The following FCHSD2 variants were observed in gnomAD, a reference collection of about 807,000 sequenced individuals.
The protein encoded by FCHSD2 is FCH and double SH3 domains 2.
In FCHSD2, 38 loss-of-function variants were observed where a neutral mutation model predicts 108.1. The observed-to-expected ratio is 0.35, with a 90% CI of 0.27 to 0.46. The LOEUF is 0.46. Ranked by LOEUF, FCHSD2 falls within the 20% of genes least tolerant of loss-of-function variation. FCHSD2 has a pLI of 1.00. For missense variants in FCHSD2, 751 were observed against 897.8 expected, an observed-to-expected ratio of 0.84 and a Z score of 2.09; for synonymous variants, 279 against 314.7, an observed-to-expected ratio of 0.89 and a Z score of 1.20.
intron 8 of FCHSD2, among the ~76,000 whole-genome samples, chr11:72,956,656 C>T (rs528161283): frequency 4.5e-4 from 69 of 152,250 alleles, no homozygotes; most frequent in African/African-American, 1.6e-3. Flanking sequence ...GGCAAGAGGT[C>T]TCTCTGGGAC....
chr11:72,846,343 G>A (rs1387306431), intron 14 of FCHSD2, among the ~76,000 whole-genome samples: 1 of 152,020 alleles, frequency 6.6e-6, no homozygotes, highest in African/African-American at 2.4e-5. Context: ...ACCATGCCTG[G>A]CTAATTTTTT....
chr11:73,040,045 G>A (rs1182204546), intron 3 of FCHSD2, among the ~76,000 whole-genome samples: 2 of 152,156 alleles, frequency 1.3e-5, no homozygotes. Flanking sequence ...TGAACACAAT[G>A]TTTCCTAAAT....
chr11:72,857,435 C>CTT (rs56061370), intron 13 of FCHSD2, among the ~76,000 whole-genome samples: 6 of 82,286 alleles, frequency 7.3e-5, no homozygotes, highest in East Asian at 3.3e-4. Context: ...ATGCTTACTC[C>CTT]TTTTTTTTTT....
chr11:73,103,833 G>A (rs1197377129), intron 2 of FCHSD2, among the ~76,000 whole-genome samples: 2 of 152,144 alleles, frequency 1.3e-5, no homozygotes, highest in Non-Finnish European at 1.5e-5. Context: ...TTAACTTGAT[G>A]TGGTATTCTT....
At chr11:73,035,203 TAC>T (rs1858461385) in intron 3 of FCHSD2, among the ~76,000 whole-genome samples, 1 of 46,500 alleles carries the variant, frequency 2.2e-5, no homozygotes, top group African/African-American at 7.3e-5. Context: ...TGTATGTATG[TAC>T]GTACTAAGAC....
chr11:72,957,048 T>C (rs1856726362), intron 8 of FCHSD2, among the ~76,000 whole-genome samples: 2 of 151,572 alleles, frequency 1.3e-5, no homozygotes, highest in African/African-American at 4.8e-5. Flanking sequence ...TTTTTTTTAT[T>C]ATACTTTAAG....
In FCHSD2 at chr11:73,082,103, C is replaced by T. The variant is rs184668340; in HGVS notation, c.165+1592G>A. Among the ~76,000 whole-genome samples, 112 of 151,538 alleles carry T rather than the reference C, an allele frequency of 7.4e-4. No individual in the cohort carries two copies. In the East Asian group the frequency reaches 0.019, roughly 25 times the overall value. On this transcript the variant is annotated intron_variant, in intron 3 of 19. Coordinates refer to ENST00000409418, the MANE Select transcript of FCHSD2 (RefSeq NM_014824.3). ...CTGTAATCCCAGCACTTTGGGAGGC[C>T]GAGGTAGGCGGATCACGTGGTCAAG... is the stretch of plus-strand genomic sequence containing the variant.
At chr11:73,093,058 GAGT>G (rs1390890748) in intron 2 of FCHSD2, among the ~76,000 whole-genome samples, 1 of 152,202 alleles carries the variant, frequency 6.6e-6, no homozygotes, top group Non-Finnish European at 1.5e-5. Context: ...CCAGCCGCAT[GAGT>G]AGTAATCATG....
At chr11:72,896,680 A>T (rs1855424033) in intron 10 of FCHSD2, among the ~76,000 whole-genome samples, 1 of 151,426 alleles carries the variant, frequency 6.6e-6, no homozygotes, top group Non-Finnish European at 1.5e-5. Context: ...TCATGACTGC[A>T]AAAGTATTGC....
At chr11:73,110,392 T>C (rs1472784756) in intron 2 of FCHSD2, among the ~76,000 whole-genome samples, 1 of 152,206 alleles carries the variant, frequency 6.6e-6, no homozygotes, top group East Asian at 1.9e-4. Flanking sequence ...GTTCAGGTTT[T>C]GGATTTCTTC....
At chr11:72,939,731 G>A (rs1249253135) in intron 8 of FCHSD2, among the ~76,000 whole-genome samples, 1 of 142,526 alleles carries the variant, frequency 7.0e-6, no homozygotes, top group African/African-American at 2.6e-5. Flanking sequence ...TGATTCTTAT[G>A]CCTCAGCCTC....
At chr11:73,116,229 T>G (rs1420578989) in intron 2 of FCHSD2, among the ~76,000 whole-genome samples, 3 of 152,212 alleles carry the variant, frequency 2.0e-5, no homozygotes, top group Non-Finnish European at 2.9e-5. Context: ...GTCCTTGAAG[T>G]TTTTATAAAA....
intron 10 of FCHSD2, among the ~76,000 whole-genome samples, chr11:72,891,475 T>C (rs1282974927): frequency 2.0e-5 from 3 of 152,314 alleles, no homozygotes; most frequent in Admixed American, 6.5e-5. Context: ...TAATTCATTT[T>C]TGGGGTTATC....
At chr11:73,140,950 T>A (rs1046587173) in intron 1 of FCHSD2, among the ~76,000 whole-genome samples, 6 of 152,046 alleles carry the variant, frequency 3.9e-5, no homozygotes, top group Non-Finnish European at 5.9e-5. Context: ...AAACCCGGAT[T>A]AGGAAAGAGA....
chr11:72,997,815 C>T (rs1429857559), intron 5 of FCHSD2, among the ~76,000 whole-genome samples: 1 of 152,180 alleles, frequency 6.6e-6, no homozygotes, highest in African/African-American at 2.4e-5. Context: ...ATCCTCCTGC[C>T]TCAACCTCCC....
chr11:73,004,978 C>T (rs1264318349), intron 4 of FCHSD2, among the ~76,000 whole-genome samples: 1 of 152,176 alleles, frequency 6.6e-6, no homozygotes, highest in Non-Finnish European at 1.5e-5. Flanking sequence ...TGCACCCATA[C>T]ATTATGCCAA....
chr11:72,840,421 T>G (rs894007875), intron 19 of FCHSD2, among the ~76,000 whole-genome samples: 1 of 152,146 alleles, frequency 6.6e-6, no homozygotes, highest in African/African-American at 2.4e-5. Context: ...CAGATGGCAG[T>G]AGAGTGAAGG....
intron 3 of FCHSD2, among the ~76,000 whole-genome samples, chr11:73,030,807 C>T (rs1438531217): frequency 6.6e-6 from 1 of 152,036 alleles, no homozygotes; most frequent in Non-Finnish European, 1.5e-5. Context: ...CATTGTTATC[C>T]CTTTTTGTGT....
At chr11:72,847,963 A>G (rs978932545) in intron 14 of FCHSD2, among the ~76,000 whole-genome samples, 2 of 152,172 alleles carry the variant, frequency 1.3e-5, no homozygotes, top group African/African-American at 4.8e-5. Context: ...AAATGTTGGG[A>G]TTACAGGCGT....
Sources: gnomAD v4.1 joint callset for allele counts (sites outside exome capture counted in the v4.1 genomes callset) on GRCh38, gnomAD v4.1.1 for gene constraint, MANE v1.5 for transcripts, NCBI Gene and HGNC (gene_info 2026-07-23, HGNC 2026-07-21) for gene names.